Variants in SLC44A1 observed in about 807,000 individuals in gnomAD.
SLC44A1 encodes choline transporter-like protein 1.
SLC44A1 carries 26 observed loss-of-function variants against 79.3 expected under a neutral mutation model. That is an observed-to-expected ratio of 0.33 (90% CI 0.24 to 0.46). The LOEUF (loss-of-function observed/expected upper bound fraction) is 0.46, where lower values mean the gene tolerates loss of function less well. Ranked by LOEUF, SLC44A1 falls within the 20% of genes least tolerant of loss-of-function variation. The pLI, the probability that SLC44A1 is intolerant of heterozygous loss-of-function variation, is 1.00. For synonymous variants in SLC44A1, 263 were observed against 286.2 expected, an observed-to-expected ratio of 0.92 and a Z score of 0.82; for missense variants, 688 against 798.1, an observed-to-expected ratio of 0.86 and a Z score of 1.66.
chr9:105,401,723 A>C (rs1828960518), downstream of SLC44A1, among the ~76,000 whole-genome samples: 1 of 152,228 alleles, frequency 6.6e-6, no homozygotes, highest in Non-Finnish European at 1.5e-5. Flanking sequence ...GGCCCATTTC[A>C]GATGCATTTC....
At chr9:105,308,410 T>C (rs900847329) in intron 2 of SLC44A1, among the ~76,000 whole-genome samples, 1 of 152,204 alleles carries the variant, frequency 6.6e-6, no homozygotes, top group African/African-American at 2.4e-5. Context: ...AGACAGAAAG[T>C]TGAAGCTAGT....
chr9:105,256,218 C>T (rs1829702056), intron 1 of SLC44A1, among the ~76,000 whole-genome samples: 1 of 151,922 alleles, frequency 6.6e-6, no homozygotes, highest in Non-Finnish European at 1.5e-5. Context: ...TGCCATGTTG[C>T]CCAGGCTGGT....
chr9:105,373,837 T>G (rs111516986), intron 12 of SLC44A1, among the ~76,000 whole-genome samples: 2,252 of 152,330 alleles, frequency 0.015, 24 homozygotes, highest in Non-Finnish European at 0.023. Flanking sequence ...GAAAGCCTTT[T>G]TTTCCCAGAA....
intron 15 of SLC44A1, chr9:105,385,794 C>T: frequency 2.0e-6 from 2 of 985,336 alleles, no homozygotes; most frequent in Non-Finnish European, 2.4e-6. Context: ...TGCTGTTGCT[C>T]TTGTTTCCTT....
At chr9:105,275,669 A>G (rs940376502) in intron 1 of SLC44A1, among the ~76,000 whole-genome samples, 3 of 152,132 alleles carry the variant, frequency 2.0e-5, no homozygotes, top group Admixed American at 6.5e-5. Context: ...GCAGTCTCCT[A>G]TTATTTGATC....
At chr9:105,387,074 T>TATATATATATATATATGA (rs1476701432) in intron 15 of SLC44A1, among the ~76,000 whole-genome samples, 8 of 85,458 alleles carry the variant, frequency 9.4e-5, no homozygotes, top group Non-Finnish European at 1.5e-4. Flanking sequence ...TATATATATA[T>TATATATATATATATATGA]GATATAAAAT....
intron 3 of SLC44A1, among the ~76,000 whole-genome samples, chr9:105,327,605 C>T (rs966596446): frequency 6.6e-6 from 1 of 152,164 alleles, no homozygotes; most frequent in Non-Finnish European, 1.5e-5. Context: ...ATCAGCTTGC[C>T]TGTCCAGCCG....
intron 15 of SLC44A1, among the ~76,000 whole-genome samples, chr9:105,405,478 T>C (rs1267767202): frequency 6.6e-6 from 1 of 152,156 alleles, no homozygotes; most frequent in Non-Finnish European, 1.5e-5. Flanking sequence ...CTTACACACC[T>C]AGGCAAATGC....
chr9:105,305,108 CTACAGGCATGTGCCACCATGTCTGGCTAA>C (rs935761433), intron 2 of SLC44A1, among the ~76,000 whole-genome samples: 2 of 150,970 alleles, frequency 1.3e-5, no homozygotes, highest in African/African-American at 4.9e-5. Context: ...GTAGCTGGTA[CTACAGGCATGTGCCACCATGTCTGGCTAA>C]TATTTTTATT....
intron 7 of SLC44A1, among the ~76,000 whole-genome samples, chr9:105,360,916 GC>G (rs2131407887): frequency 6.6e-6 from 1 of 152,158 alleles, no homozygotes; most frequent in Admixed American, 6.5e-5. Flanking sequence ...CTACTGGCTC[GC>G]TCTTAGCTTC....
At chr9:105,256,589 GTCTC>G (rs927588363) in intron 1 of SLC44A1, among the ~76,000 whole-genome samples, 3 of 149,064 alleles carry the variant, frequency 2.0e-5, no homozygotes, top group African/African-American at 7.4e-5. Flanking sequence ...TTGAGACAGG[GTCTC>G]TCTCTGTCAC....
In SLC44A1 at chr9:105,395,191, C is replaced by T; in HGVS notation, c.*6135C>T. 1 of 985,156 alleles carries T rather than the reference C, an allele frequency of 1.0e-6. No homozygotes were observed. The highest frequency in any genetic ancestry group is 1.1e-4 in the East Asian group (1 of 8,824). 61.0% of individuals were successfully genotyped at this position (985,156 alleles called of 1,614,324 possible). A position where few individuals can be genotyped will look rare whatever the true frequency, so the allele number is the denominator to read the frequency against. On this transcript the variant is annotated 3_prime_UTR_variant, in exon 16 of 16. Coordinates refer to ENST00000374720, the MANE Select transcript of SLC44A1 (RefSeq NM_080546.5). ...TCAGCCCCCTACCCCACCCCACACTCCTAGAAAAGTTTGGGGGTTTTTTTT... is the reference window on the plus strand; with the variant it reads ...TCAGCCCCCTACCCCACCCCACACTTCTAGAAAAGTTTGGGGGTTTTTTTT...
rs546168204 is a variant in SLC44A1 at position 105,396,473 on chromosome 9, C to G, written c.*7417C>G. 4 of 985,360 alleles carry G rather than the reference C, an allele frequency of 4.1e-6. No homozygotes were observed. The East Asian group carries it at 3.4e-4, about 84-fold the overall frequency. 61.0% of individuals were successfully genotyped at this position (985,360 alleles called of 1,614,324 possible). On this transcript the variant is annotated 3_prime_UTR_variant, in exon 16 of 16. Coordinates refer to ENST00000374720, the MANE Select transcript of SLC44A1 (RefSeq NM_080546.5). Reference sequence around the variant, plus strand: ...CTGGCTGGCACAGCCTTTCTGAACTCCTTGAGTTTAGAATAGAGCTCCTAG... The same window carrying G: ...CTGGCTGGCACAGCCTTTCTGAACTGCTTGAGTTTAGAATAGAGCTCCTAG...
chr9:105,381,435 G>A (rs913752407), intron 13 of SLC44A1, among the ~76,000 whole-genome samples: 3 of 151,490 alleles, frequency 2.0e-5, no homozygotes, highest in Non-Finnish European at 4.4e-5. Flanking sequence ...TGTAGTCCCA[G>A]CTACTTGGGA....
At chr9:105,352,680 A>G (rs1428510580) in intron 5 of SLC44A1, among the ~76,000 whole-genome samples, 1 of 152,212 alleles carries the variant, frequency 6.6e-6, no homozygotes, top group Non-Finnish European at 1.5e-5. Flanking sequence ...TCATTTAGGT[A>G]AGATACTAAA....
intron 1 of SLC44A1, among the ~76,000 whole-genome samples, chr9:105,287,522 C>T (rs1487175542): frequency 1.3e-5 from 2 of 152,134 alleles, no homozygotes; most frequent in African/African-American, 4.8e-5. Flanking sequence ...TTTGTGGGAA[C>T]TCACTTTTTT....
At chr9:105,370,381 G>A (rs1367547941) in intron 12 of SLC44A1, among the ~76,000 whole-genome samples, 1 of 152,092 alleles carries the variant, frequency 6.6e-6, no homozygotes, top group Non-Finnish European at 1.5e-5. Flanking sequence ...CTTTTTTTCA[G>A]TTGGGTTGAA....
rs377392982 is a variant in SLC44A1 at position 105,248,224 on chromosome 9, A to C, written c.36+3320A>C. Among the ~76,000 whole-genome samples, 219 of 152,312 alleles carry C rather than the reference A, an allele frequency of 1.4e-3. 10 individuals are homozygous for C. The South Asian group carries it at 0.043, about 30-fold the overall frequency. ...ATAAAGTGCATTTTCTTTTTGTAGC[A>C]GGGCTTCACTTTTGAAATATAATTT... is the stretch of plus-strand genomic sequence containing the variant. On this transcript the variant is annotated intron_variant, in intron 1 of 15. Coordinates refer to ENST00000374720, the MANE Select transcript of SLC44A1 (RefSeq NM_080546.5).
chr9:105,295,412 A>G (rs905163715), intron 1 of SLC44A1, among the ~76,000 whole-genome samples: 2 of 152,244 alleles, frequency 1.3e-5, no homozygotes, highest in African/African-American at 4.8e-5. Flanking sequence ...AAAGGGGTAA[A>G]ATCACATTTA....
Sources: gnomAD v4.1 joint callset for allele counts (sites outside exome capture counted in the v4.1 genomes callset) on GRCh38, gnomAD v4.1.1 for gene constraint, MANE v1.5 for transcripts, NCBI Gene and HGNC (gene_info 2026-07-23, HGNC 2026-07-21) for gene names.